The following MECOM variants were observed in gnomAD, a reference collection of about 807,000 sequenced individuals.
MECOM encodes MDS1 and EVI1 complex locus, also known as histone-lysine N-methyltransferase MECOM.
Under a neutral mutation model 116.3 loss-of-function variants are expected in MECOM, and 13 were observed. The ratio of observed to expected loss-of-function variants is 0.11; its 90% CI spans 0.07 to 0.18. The LOEUF (loss-of-function observed/expected upper bound fraction) is 0.18, where lower values mean the gene tolerates loss of function less well. Among genes scored for constraint, MECOM ranks in the 10% least tolerant of loss-of-function variants. The pLI is 1.00. For missense variants in MECOM, 1,299 were observed against 1,509.0 expected, an observed-to-expected ratio of 0.86 and a Z score of 2.31; for synonymous variants, 528 against 535.2, an observed-to-expected ratio of 0.99 and a Z score of 0.19.
intron 2 of MECOM, among the ~76,000 whole-genome samples, chr3:169,257,963 G>A (rs574728950): frequency 8.5e-5 from 13 of 152,176 alleles, no homozygotes; most frequent in East Asian, 1.9e-4. Flanking sequence ...GCGCATGCCC[G>A]CAATATCAGC....
chr3:169,540,576 A>G (rs1759944001), intron 1 of MECOM, among the ~76,000 whole-genome samples: 1 of 152,010 alleles, frequency 6.6e-6, no homozygotes, highest in Non-Finnish European at 1.5e-5. Flanking sequence ...GATCCTGCCT[A>G]TCTCTCCTCT....
chr3:169,414,802 A>C (rs541050873), intron 1 of MECOM, among the ~76,000 whole-genome samples: 2 of 152,294 alleles, frequency 1.3e-5, no homozygotes, highest in African/African-American at 4.8e-5. Context: ...AGATCAACTT[A>C]GTGAAATAAA....
chr3:169,651,422 G>T (rs1447799215), intron 1 of MECOM, among the ~76,000 whole-genome samples: 1 of 152,124 alleles, frequency 6.6e-6, no homozygotes, highest in South Asian at 2.1e-4. Context: ...CTACTATGTT[G>T]TTAAGGATTT....
intron 1 of MECOM, among the ~76,000 whole-genome samples, chr3:169,486,572 A>G (rs1322167898): frequency 6.6e-6 from 1 of 152,104 alleles, no homozygotes; most frequent in Non-Finnish European, 1.5e-5. Flanking sequence ...ATGCACAAAG[A>G]TCTATTGAAA....
chr3:169,398,964 G>A (rs942708772), intron 1 of MECOM, among the ~76,000 whole-genome samples: 3 of 152,088 alleles, frequency 2.0e-5, no homozygotes, highest in Non-Finnish European at 2.9e-5. Flanking sequence ...ATCTGTTAAG[G>A]GTTCCCACTC....
intron 1 of MECOM, among the ~76,000 whole-genome samples, chr3:169,487,049 T>A (rs1752466942): frequency 6.6e-6 from 1 of 152,086 alleles, no homozygotes; most frequent in African/African-American, 2.4e-5. Flanking sequence ...TCTTTTGGTT[T>A]TAATTTTTAT....
intron 1 of MECOM, among the ~76,000 whole-genome samples, chr3:169,525,758 A>T (rs1227218927): frequency 6.6e-6 from 1 of 152,194 alleles, no homozygotes; most frequent in Non-Finnish European, 1.5e-5. Context: ...GCCGGGCGTG[A>T]TGGCTCACGC....
intron 1 of MECOM, among the ~76,000 whole-genome samples, chr3:169,434,441 T>TG (rs1212431841): frequency 1.4e-5 from 2 of 143,880 alleles, no homozygotes; most frequent in South Asian, 2.2e-4. Context: ...AAAAGTTTAC[T>TG]GTTTTTTTTT....
intron 1 of MECOM, among the ~76,000 whole-genome samples, chr3:169,406,910 C>T (rs185439227): frequency 6.0e-5 from 9 of 150,892 alleles, no homozygotes; most frequent in African/African-American, 9.7e-5. Flanking sequence ...GATGCAATCT[C>T]GGTTCACTGC....
Position 169,102,170 on chromosome 3 carries a change from A to G in MECOM, c.2661T>C (p.Pro887=). ...CTGACTGTAAGAGCTCACTGGCCTC[A>G]GGTTTCAGGGCACTGAAGCTCTCTA... ...EKLESFSALK[P]EASELLQSVP... is the part of the protein sequence containing the mutation. The change falls in exon 11 of 17, where the codon CCT becomes CCC. Residue 887 remains proline, a synonymous_variant. Transcript: ENST00000651503. The G allele has an allele frequency of 6.2e-7, 1 of 1,613,922 alleles. No individual in the cohort carries two copies. The highest frequency in any genetic ancestry group is 8.5e-7 in the Non-Finnish European group (1 of 1,179,858).
At chr3:169,103,776 A>G (rs1373012942) in intron 10 of MECOM, among the ~76,000 whole-genome samples, 2 of 152,186 alleles carry the variant, frequency 1.3e-5, no homozygotes, top group South Asian at 2.1e-4. Context: ...CTTAAAGTAG[A>G]GCAAAGTCTT....
At chr3:169,242,140 T>C (rs1297383614) in intron 2 of MECOM, among the ~76,000 whole-genome samples, 7 of 152,162 alleles carry the variant, frequency 4.6e-5, no homozygotes, top group Non-Finnish European at 8.8e-5. Flanking sequence ...TTTTACACAT[T>C]AGGAGATAGT....
At chr3:169,396,566 T>C (rs1267021168) in intron 1 of MECOM, among the ~76,000 whole-genome samples, 2 of 152,234 alleles carry the variant, frequency 1.3e-5, no homozygotes, top group African/African-American at 4.8e-5. Flanking sequence ...TTACCTGTTT[T>C]GTTTTACCTG....
At chr3:169,246,666 C>T (rs940701573) in intron 2 of MECOM, among the ~76,000 whole-genome samples, 11 of 151,772 alleles carry the variant, frequency 7.2e-5, no homozygotes, top group African/African-American at 1.5e-4. Context: ...GCACTACAGG[C>T]GCGTGCCACC....
At chr3:169,251,571 A>G (rs1168717028) in intron 2 of MECOM, among the ~76,000 whole-genome samples, 1 of 152,132 alleles carries the variant, frequency 6.6e-6, no homozygotes, top group Non-Finnish European at 1.5e-5. Flanking sequence ...CTTATTCTTG[A>G]TTCAGAAGCC....
intron 1 of MECOM, among the ~76,000 whole-genome samples, chr3:169,408,080 A>C (rs1736977457): frequency 6.6e-6 from 1 of 152,230 alleles, no homozygotes; most frequent in South Asian, 2.1e-4. Flanking sequence ...ATATCTTCAA[A>C]GAACAGAATC....
intron 1 of MECOM, among the ~76,000 whole-genome samples, chr3:169,399,625 A>G (rs1735554784): frequency 6.6e-6 from 1 of 152,262 alleles, no homozygotes; most frequent in Non-Finnish European, 1.5e-5. Flanking sequence ...TAAATAAACC[A>G]GAGTACTGAG....
At chr3:169,251,562 T>TTA (rs1159462995) in intron 2 of MECOM, among the ~76,000 whole-genome samples, 1 of 152,184 alleles carries the variant, frequency 6.6e-6, no homozygotes, top group Non-Finnish European at 1.5e-5. Context: ...AGAGCTTCTC[T>TTA]TATTCTTGAT....
intron 2 of MECOM, among the ~76,000 whole-genome samples, chr3:169,270,008 C>A (rs965148816): frequency 6.6e-6 from 1 of 151,816 alleles, no homozygotes; most frequent in African/African-American, 2.4e-5. Context: ...TTCATACTCA[C>A]TTGGCCCAAA....
Sources: allele counts gnomAD v4.1 joint callset (sites outside exome capture counted in the v4.1 genomes callset), GRCh38; gene constraint gnomAD v4.1.1; transcripts MANE v1.5; gene names NCBI Gene and HGNC (gene_info 2026-07-23, HGNC 2026-07-21).